BTBD9: variants seen among roughly 807,000 people sequenced by gnomAD.
BTBD9 encodes the protein BTB/POZ domain-containing protein 9.
A neutral mutation model predicts 64.3 loss-of-function variants in BTBD9; 49 were observed. The observed-to-expected ratio is 0.76, with a 90% CI of 0.61 to 0.97. The LOEUF is 0.97. Among genes scored for constraint, BTBD9 ranks in the 50% least tolerant of loss-of-function variants. The probability of loss-of-function intolerance (pLI) is 0.00; values close to 1 mark genes in which losing one functional copy is unlikely to be tolerated. For synonymous variants in BTBD9, 260 were observed against 274.7 expected, an observed-to-expected ratio of 0.95 and a Z score of 0.53; for missense variants, 598 against 762.1, an observed-to-expected ratio of 0.78 and a Z score of 2.53.
At position 38,171,343 on chromosome 6, in the gene BTBD9, C is replaced by T. The variant is rs898698156; in HGVS notation, c.*3642G>A. 1 of 152,076 alleles carries T rather than the reference C, an allele frequency of 6.6e-6. No individual in the cohort carries two copies. The highest frequency in any genetic ancestry group is 1.5e-5 in the Non-Finnish European group (1 of 68,024). 9.4% of individuals were successfully genotyped at this position (152,076 alleles called of 1,614,324 possible). A position where few individuals can be genotyped will look rare whatever the true frequency, so the allele number is the denominator to read the frequency against. On this transcript the variant is annotated 3_prime_UTR_variant, in exon 11 of 11. Transcript: ENST00000481247. ...CCAAGGAATCAGTTTAACAAACATC[C>T]TACTCTTGCTGAAAATAATTTCTTT... is the stretch of plus-strand genomic sequence containing the variant.
rs182486503 is a variant in BTBD9, at chr6:38,331,791, C to T, written c.1264+13193G>A. On this transcript the variant is annotated intron_variant, in intron 7 of 10. Coordinates refer to ENST00000481247, the MANE Select transcript of BTBD9 (RefSeq NM_001099272.2). ...GGAGGATCATTTGAGCCCAAGAGGTCAAGGCTGCAGTGAGCTGTGATTGCA... is the reference window on the plus strand; with the variant it reads ...GGAGGATCATTTGAGCCCAAGAGGTTAAGGCTGCAGTGAGCTGTGATTGCA... Among the ~76,000 whole-genome samples the T allele has an allele frequency of 1.8e-3, 281 of 151,988 alleles. 1 individual carries two copies. The highest frequency in any genetic ancestry group is 6.4e-3 in the African/African-American group (264 of 41,444).
chr6:38,421,582 A>C (rs988637525), intron 6 of BTBD9, among the ~76,000 whole-genome samples: 1 of 152,210 alleles, frequency 6.6e-6, no homozygotes, highest in Non-Finnish European at 1.5e-5. Context: ...TATTGGCCTC[A>C]GGATAAAAGC....
intron 6 of BTBD9, among the ~76,000 whole-genome samples, chr6:38,568,753 C>A (rs1775631032): frequency 6.6e-6 from 1 of 152,200 alleles, no homozygotes; most frequent in Non-Finnish European, 1.5e-5. Context: ...AAGTCACTAA[C>A]TCAAGTCCTG....
At chr6:38,594,427 T>C in intron 2 of BTBD9, 100 bp from the exon 3 acceptor site, 1 of 1,371,818 alleles carries the variant, frequency 7.3e-7, no homozygotes, top group South Asian at 1.6e-5. Context: ...TATAAATTTT[T>C]TTAATGACAC....
At chr6:38,539,496 T>C (rs2127436308) in intron 6 of BTBD9, among the ~76,000 whole-genome samples, 1 of 152,326 alleles carries the variant, frequency 6.6e-6, no homozygotes, top group South Asian at 2.1e-4. Flanking sequence ...AGACCACTGT[T>C]CTGCTCAAGA....
intron 6 of BTBD9, among the ~76,000 whole-genome samples, chr6:38,408,976 G>A (rs62397042): frequency 0.021 from 3,140 of 152,256 alleles, 54 homozygotes; most frequent in Non-Finnish European, 0.031. Flanking sequence ...GTGGACAGGC[G>A]CAGTGACTCA....
chr6:38,205,476 G>C (rs1315691342), intron 9 of BTBD9, among the ~76,000 whole-genome samples: 2 of 151,924 alleles, frequency 1.3e-5, no homozygotes, highest in African/African-American at 4.8e-5. Context: ...TATGAGAACA[G>C]AATAAAGAAA....
intron 10 of BTBD9, chr6:38,179,402 G>C (rs1184773360): frequency 2.2e-6 from 1 of 456,582 alleles, no homozygotes; most frequent in Admixed American, 2.3e-5. Context: ...ATGACTCTCA[G>C]GGTTCCCTGG....
chr6:38,530,255 C>G (rs986039248), intron 6 of BTBD9, among the ~76,000 whole-genome samples: 2 of 150,816 alleles, frequency 1.3e-5, no homozygotes, highest in African/African-American at 4.9e-5. Context: ...CAAGACAATA[C>G]ATGCACCGCT....
At chr6:38,357,235 A>C (rs903973849) in intron 6 of BTBD9, among the ~76,000 whole-genome samples, 2 of 152,200 alleles carry the variant, frequency 1.3e-5, no homozygotes, top group Non-Finnish European at 2.9e-5. Context: ...CACTTCATTC[A>C]TCACAGTTTC....
At chr6:38,393,065 A>G (rs908772229) in intron 6 of BTBD9, among the ~76,000 whole-genome samples, 1 of 152,122 alleles carries the variant, frequency 6.6e-6, no homozygotes, top group African/African-American at 2.4e-5. Flanking sequence ...TAGTAGAGAC[A>G]GGGTTTCGCC....
chr6:38,285,468 T>C (rs990586362), intron 8 of BTBD9, among the ~76,000 whole-genome samples: 6 of 152,128 alleles, frequency 3.9e-5, no homozygotes, highest in Admixed American at 3.9e-4. Context: ...GGAATTCCAT[T>C]TTAGGCATCT....
intron 1 of BTBD9, among the ~76,000 whole-genome samples, chr6:38,600,586 A>C (rs1272962685): frequency 1.3e-5 from 2 of 152,112 alleles, no homozygotes; most frequent in Non-Finnish European, 2.9e-5. Context: ...GCATGATTCT[A>C]AACAAAACGC....
At chr6:38,581,992 C>T (rs560154798) in intron 4 of BTBD9, among the ~76,000 whole-genome samples, 275 of 152,130 alleles carry the variant, frequency 1.8e-3, no homozygotes, top group African/African-American at 6.1e-3. Context: ...GATTTGAATA[C>T]GGGAAAGTCT....
At chr6:38,178,745 G>A (rs1289090252) in intron 10 of BTBD9, among the ~76,000 whole-genome samples, 4 of 151,116 alleles carry the variant, frequency 2.6e-5, no homozygotes, top group African/African-American at 9.7e-5. Context: ...GCAGCAGGGT[G>A]TGGGGGGGAG....
chr6:38,254,161 C>A (rs1476241968), intron 9 of BTBD9, among the ~76,000 whole-genome samples: 2 of 151,418 alleles, frequency 1.3e-5, no homozygotes, highest in Non-Finnish European at 2.9e-5. Flanking sequence ...GATGGCAGAA[C>A]AACAAGAAAG....
intron 6 of BTBD9, among the ~76,000 whole-genome samples, chr6:38,354,606 T>G (rs1204124987): frequency 6.6e-6 from 1 of 152,104 alleles, no homozygotes; most frequent in Non-Finnish European, 1.5e-5. Flanking sequence ...ACAAGCCCAA[T>G]GCATTGAAGT....
At chr6:38,207,599 G>A (rs989511843) in intron 9 of BTBD9, among the ~76,000 whole-genome samples, 2 of 152,040 alleles carry the variant, frequency 1.3e-5, no homozygotes, top group Admixed American at 6.5e-5. Flanking sequence ...TTCCAGCCTG[G>A]GCGACAGAGC....
Position 38,421,423 on chromosome 6 carries a change from T to G in BTBD9, c.1155-76330A>C, listed in dbSNP as rs76439084. On this transcript the variant is annotated intron_variant, in intron 6 of 10. Transcript: ENST00000481247. ...GGCAAGATTATTTAGAAGACAAGATTATTTTATTCATTTGTTTTTAAACAT... is the reference window on the plus strand; with the variant it reads ...GGCAAGATTATTTAGAAGACAAGATGATTTTATTCATTTGTTTTTAAACAT... Among the ~76,000 whole-genome samples, 1,112 of 152,274 alleles carry G rather than the reference T, an allele frequency of 7.3e-3. 9 individuals are homozygous for G. Among genetic ancestry groups the G allele is most frequent in the African/African-American group, 0.025 (1,052 of 41,544 alleles).
Sources: gnomAD v4.1 joint callset for allele counts (sites outside exome capture counted in the v4.1 genomes callset) on GRCh38, gnomAD v4.1.1 for gene constraint, MANE v1.5 for transcripts, NCBI Gene and HGNC (gene_info 2026-07-23, HGNC 2026-07-21) for gene names.